Variants in NFE2L2 observed in about 807,000 individuals in gnomAD.
NFE2L2 encodes NFE2 like bZIP transcription factor 2.
NFE2L2 carries 20 observed loss-of-function variants against 49.6 expected under a neutral mutation model. The observed-to-expected ratio is 0.40, with a 90% confidence interval of 0.28 to 0.59. The LOEUF (loss-of-function observed/expected upper bound fraction) is 0.59. Among genes scored for constraint, NFE2L2 ranks in the 20% least tolerant of loss-of-function variants. The pLI, the probability that NFE2L2 is intolerant of heterozygous loss-of-function variation, is 0.40. For synonymous variants in NFE2L2, 244 were observed against 256.5 expected (o/e 0.95, Z 0.47); for missense variants, 578 against 714.2 (o/e 0.81, Z 2.17).
chr2:177,260,354 G>A (rs1172259450), intron 1 of NFE2L2, among the ~76,000 whole-genome samples: 1 of 152,088 alleles, frequency 6.6e-6, no homozygotes, highest in Non-Finnish European at 1.5e-5. Context: ...CAACTTTTAG[G>A]CAAATCATCC....
At chr2:177,237,388 G>C (rs1689786172) in intron 1 of NFE2L2, among the ~76,000 whole-genome samples, 1 of 152,180 alleles carries the variant, frequency 6.6e-6, no homozygotes, top group African/African-American at 2.4e-5. Context: ...TATCTTCTCA[G>C]GGGGATTCCC....
intron 1 of NFE2L2, among the ~76,000 whole-genome samples, chr2:177,239,663 T>A (rs1689875784): frequency 6.6e-6 from 1 of 152,214 alleles, no homozygotes; most frequent in African/African-American, 2.4e-5. Flanking sequence ...GGTAACAAAG[T>A]GAGACCTTGT....
At chr2:177,261,140 C>T (rs1665758048) in intron 1 of NFE2L2, among the ~76,000 whole-genome samples, 1 of 147,538 alleles carries the variant, frequency 6.8e-6, no homozygotes, top group African/African-American at 2.5e-5. Flanking sequence ...CACTGCATTC[C>T]AGCCTGGGCA....
At chr2:177,257,908 T>C (rs1690586654) in intron 1 of NFE2L2, among the ~76,000 whole-genome samples, 1 of 152,332 alleles carries the variant, frequency 6.6e-6, no homozygotes, top group South Asian at 2.1e-4. Flanking sequence ...CCTCCTTCTA[T>C]GGAAAAACTG....
intron 1 of NFE2L2, among the ~76,000 whole-genome samples, chr2:177,255,643 T>C (rs1377636884): frequency 6.6e-6 from 1 of 152,134 alleles, no homozygotes; most frequent in Non-Finnish European, 1.5e-5. Context: ...CACTGCACCT[T>C]CAAACTCCTG....
At position 177,234,751 on chromosome 2, in the gene NFE2L2, A is replaced by G. The variant is rs531042996; in HGVS notation, c.46-480T>C. 2.6e-5 allele frequency among the ~76,000 whole-genome samples: 4 copies of G among 152,326 alleles called. No individual in the cohort carries two copies. The East Asian group carries it at 7.7e-4, about 29-fold the overall frequency. ...GGATAACTCTCAAGTTAAAGTGTCA[A>G]TCTAGCAGTTGTGAAATATCACCAT... On this transcript the variant is annotated intron_variant, in intron 1 of 4. Transcript: ENST00000397062.
intron 1 of NFE2L2, chr2:177,263,995 A>C (rs1010489326): frequency 3.5e-5 from 34 of 968,858 alleles, no homozygotes; most frequent in Middle Eastern, 5.3e-4. Context: ...GCCCGCACTC[A>C]AGGAGGTCTT....
chr2:177,236,086 T>G (rs530033920), intron 1 of NFE2L2, among the ~76,000 whole-genome samples: 1 of 152,366 alleles, frequency 6.6e-6, no homozygotes, highest in Non-Finnish European at 1.5e-5. Context: ...GGGTACAGTG[T>G]AGACACGTCA....
chr2:177,232,053 A>G (rs1689573032), intron 4 of NFE2L2, 45 bp from the exon 5 acceptor site: 1 of 1,511,388 alleles, frequency 6.6e-7, no homozygotes, highest in African/African-American at 1.4e-5. Flanking sequence ...AAGTTAATCC[A>G]TGATAATACG....
At chr2:177,263,493 A>T in intron 1 of NFE2L2, 1 of 985,530 alleles carries the variant, frequency 1.0e-6, no homozygotes, top group Non-Finnish European at 1.2e-6. Context: ...CGCTCTGGGG[A>T]AAATAGCAAT....
chr2:177,245,002 CAAAAAAAA>C (rs56326022), intron 1 of NFE2L2, among the ~76,000 whole-genome samples: 15 of 49,048 alleles, frequency 3.1e-4, no homozygotes, highest in South Asian at 1.6e-3. Flanking sequence ...GACTCTGTCT[CAAAAAAAA>C]AAAAAAAAAA....
intron 1 of NFE2L2, among the ~76,000 whole-genome samples, chr2:177,260,353 G>A (rs886433223): frequency 1.3e-5 from 2 of 152,250 alleles, no homozygotes; most frequent in Middle Eastern, 3.4e-3. Flanking sequence ...CCAACTTTTA[G>A]GCAAATCATC....
chr2:177,236,978 C>T (rs1689772452), intron 1 of NFE2L2, among the ~76,000 whole-genome samples: 1 of 152,166 alleles, frequency 6.6e-6, no homozygotes, highest in African/African-American at 2.4e-5. Flanking sequence ...GATCCTCCCA[C>T]CTCAGCCTCC....
At chr2:177,255,304 G>A (rs1312038326) in intron 1 of NFE2L2, among the ~76,000 whole-genome samples, 1 of 152,058 alleles carries the variant, frequency 6.6e-6, no homozygotes, top group African/African-American at 2.4e-5. Flanking sequence ...TCCCACCAAG[G>A]GTGGCCCCTG....
At chr2:177,234,986 C>T (rs964968375) in intron 1 of NFE2L2, among the ~76,000 whole-genome samples, 3 of 151,902 alleles carry the variant, frequency 2.0e-5, no homozygotes, top group Non-Finnish European at 4.4e-5. Flanking sequence ...TGTGGTGGTA[C>T]GTGCCTGTAA....
intron 2 of NFE2L2, 151 bp from the exon 3 acceptor site, chr2:177,233,490 G>A: frequency 1.5e-6 from 1 of 656,906 alleles, no homozygotes; most frequent in Non-Finnish European, 2.5e-6. Context: ...TGCACAATTT[G>A]AACTAGACCA....
chr2:177,238,476 TTTAA>T lies in NFE2L2; in HGVS notation c.46-4209_46-4206del, dbSNP rs1196037943. Among the ~76,000 whole-genome samples, 5 of 152,382 alleles carry T rather than the reference TTTAA, an allele frequency of 3.3e-5. No homozygotes were observed. In the East Asian group the frequency reaches 9.6e-4, roughly 29 times the overall value. Reference sequence around the variant, plus strand: ...TTTGGATGGCTTTAGCTATACATTGTTTAATTATTCCATCCTACCCAAGCATACA... The same window carrying T: ...TTTGGATGGCTTTAGCTATACATTGTTTATTCCATCCTACCCAAGCATACA... On this transcript the variant is annotated intron_variant, in intron 1 of 4. Transcript: ENST00000397062.
intron 1 of NFE2L2, among the ~76,000 whole-genome samples, chr2:177,259,310 A>G (rs1690643005): frequency 6.6e-6 from 1 of 152,102 alleles, no homozygotes; most frequent in African/African-American, 2.4e-5. Flanking sequence ...TCAAAAAAAA[A>G]AGACGAACTT....
intron 1 of NFE2L2, among the ~76,000 whole-genome samples, chr2:177,261,179 A>AAAAC (rs1553492154): frequency 1.7e-4 from 25 of 151,482 alleles, no homozygotes; most frequent in African/African-American, 5.6e-4. Flanking sequence ...TCAAAAAAAA[A>AAAAC]AAAAAACAAA....
Sources: gnomAD v4.1 joint callset for allele counts (sites outside exome capture counted in the v4.1 genomes callset) on GRCh38, gnomAD v4.1.1 for gene constraint, MANE v1.5 for transcripts, NCBI Gene and HGNC (gene_info 2026-07-23, HGNC 2026-07-21) for gene names.